Variants in MAML2 observed in about 807,000 individuals in gnomAD.
MAML2 encodes the protein mastermind like transcriptional coactivator 2.
In MAML2, 22 loss-of-function variants were observed where a neutral mutation model predicts 96.1. The ratio of observed to expected loss-of-function variants is 0.23; its 90% CI spans 0.16 to 0.33. The LOEUF is 0.33. MAML2 is among the 10% of genes least tolerant of loss of function. MAML2 has a pLI of 1.00. For synonymous variants in MAML2, 561 were observed against 521.3 expected, an observed-to-expected ratio of 1.08 and a Z score of -1.04; for missense variants, 1,367 against 1,392.4, an observed-to-expected ratio of 0.98 and a Z score of 0.29.
intron 1 of MAML2, among the ~76,000 whole-genome samples, chr11:96,188,276 A>C (rs1029381643): frequency 1.3e-5 from 2 of 152,258 alleles, no homozygotes; most frequent in African/African-American, 2.4e-5. Flanking sequence ...TGATTTAAGC[A>C]GTTCCTATAA....
intron 1 of MAML2, among the ~76,000 whole-genome samples, chr11:96,177,892 A>C (rs1861411120): frequency 6.7e-6 from 1 of 150,156 alleles, no homozygotes; most frequent in African/African-American, 2.5e-5. Context: ...GAAGTAGAAA[A>C]AATTGAATAT....
At chr11:96,082,665 C>G (rs1337723782) in intron 2 of MAML2, among the ~76,000 whole-genome samples, 1 of 152,194 alleles carries the variant, frequency 6.6e-6, no homozygotes. Flanking sequence ...ACTAGAACGC[C>G]AGTTACTGGC....
intron 2 of MAML2, among the ~76,000 whole-genome samples, chr11:96,017,742 T>C (rs1288887711): frequency 6.6e-6 from 1 of 151,814 alleles, no homozygotes; most frequent in Non-Finnish European, 1.5e-5. Flanking sequence ...CCTGAGTTCT[T>C]GAGGTGGGAG....
At chr11:96,133,661 C>A (rs886733983) in intron 1 of MAML2, among the ~76,000 whole-genome samples, 1 of 152,056 alleles carries the variant, frequency 6.6e-6, no homozygotes, top group African/African-American at 2.4e-5. Context: ...TATGAGAATA[C>A]AATAGAAACC....
At chr11:95,993,072 G>C (rs1263673626) in intron 2 of MAML2, among the ~76,000 whole-genome samples, 1 of 150,124 alleles carries the variant, frequency 6.7e-6, no homozygotes, top group African/African-American at 2.4e-5. Flanking sequence ...AGACAGGGTG[G>C]CTAATTTTTA....
intron 2 of MAML2, among the ~76,000 whole-genome samples, chr11:96,022,552 G>T (rs1858451755): frequency 6.6e-6 from 1 of 152,148 alleles, no homozygotes; most frequent in Non-Finnish European, 1.5e-5. Flanking sequence ...ACAGTGGTTG[G>T]ATTTAGTTAG....
intron 1 of MAML2, among the ~76,000 whole-genome samples, chr11:96,119,555 C>T (rs80079139): frequency 4.6e-5 from 7 of 152,088 alleles, no homozygotes; most frequent in Admixed American, 1.3e-4. Flanking sequence ...TTATTTTAAG[C>T]GACTCAATTT....
chr11:96,333,680 G>T lies in MAML2; in HGVS notation c.513+7703C>A, dbSNP rs140433770. On this transcript the variant is annotated intron_variant, in intron 1 of 4. Transcript: ENST00000524717. ...GTTGGAAAGACGGCAAATCTGTGTTGCCTATTCATCTGCAGATGCAGTAAA... is the reference window on the plus strand; with the variant it reads ...GTTGGAAAGACGGCAAATCTGTGTTTCCTATTCATCTGCAGATGCAGTAAA... Among the ~76,000 whole-genome samples, 301 of 152,326 alleles carry T rather than the reference G, an allele frequency of 2.0e-3. 1 individual carries two copies. The highest frequency in any genetic ancestry group is 7.0e-3 in the African/African-American group (292 of 41,596).
intron 1 of MAML2, among the ~76,000 whole-genome samples, chr11:96,339,060 C>A (rs1212189324): frequency 6.6e-6 from 1 of 152,164 alleles, no homozygotes; most frequent in Non-Finnish European, 1.5e-5. Flanking sequence ...TCCAACAACC[C>A]GTGCAATGCC....
chr11:96,142,533 T>A (rs1452768922), intron 1 of MAML2, among the ~76,000 whole-genome samples: 4 of 152,338 alleles, frequency 2.6e-5, no homozygotes, highest in African/African-American at 9.6e-5. Flanking sequence ...TCCAGTACGA[T>A]GTTATTGCAG....
At chr11:96,275,808 G>A (rs1862981218) in intron 1 of MAML2, among the ~76,000 whole-genome samples, 3 of 152,088 alleles carry the variant, frequency 2.0e-5, no homozygotes, top group African/African-American at 7.2e-5. Flanking sequence ...TGGTCTCTAT[G>A]TCTGTTTTAA....
chr11:95,994,671 T>C (rs1191485894), intron 2 of MAML2, among the ~76,000 whole-genome samples: 1 of 152,154 alleles, frequency 6.6e-6, no homozygotes, highest in Non-Finnish European at 1.5e-5. Context: ...GTAGTTTGCT[T>C]TCTACTCTCC....
chr11:96,276,301 T>C (rs893826386), intron 1 of MAML2, among the ~76,000 whole-genome samples: 1 of 152,228 alleles, frequency 6.6e-6, no homozygotes, highest in East Asian at 1.9e-4. Flanking sequence ...TCTTGCTGAC[T>C]GATAACTCTG....
At chr11:96,034,864 G>C (rs1272260910) in intron 2 of MAML2, among the ~76,000 whole-genome samples, 1 of 152,118 alleles carries the variant, frequency 6.6e-6, no homozygotes, top group Non-Finnish European at 1.5e-5. Context: ...GGGCCAGTTA[G>C]CTTTTTCTTG....
chr11:96,255,988 C>T (rs1255732103), intron 1 of MAML2, among the ~76,000 whole-genome samples: 1 of 151,384 alleles, frequency 6.6e-6, no homozygotes, highest in Non-Finnish European at 1.5e-5. Context: ...ATTCTCCTCC[C>T]TCAGCTTCCC....
intron 2 of MAML2, among the ~76,000 whole-genome samples, chr11:96,047,310 C>G (rs1226131293): frequency 6.6e-6 from 1 of 152,166 alleles, no homozygotes; most frequent in Non-Finnish European, 1.5e-5. Context: ...AACTAACTCA[C>G]CTCCCAACCC....
intron 1 of MAML2, among the ~76,000 whole-genome samples, chr11:96,315,608 T>C (rs1190362446): frequency 6.6e-6 from 1 of 152,216 alleles, no homozygotes; most frequent in Non-Finnish European, 1.5e-5. Context: ...AGGGTTCTAA[T>C]GGTCTTGGTT....
chr11:96,121,876 T>C (rs1293832220), intron 1 of MAML2, among the ~76,000 whole-genome samples: 4 of 131,856 alleles, frequency 3.0e-5, no homozygotes, highest in African/African-American at 1.1e-4. Flanking sequence ...AAGCTCCGCC[T>C]CCCGGGTTCA....
chr11:96,236,658 C>T (rs932655627), intron 1 of MAML2, among the ~76,000 whole-genome samples: 49 of 151,972 alleles, frequency 3.2e-4, no homozygotes, highest in African/African-American at 9.9e-4. Flanking sequence ...CAAATGAAGC[C>T]GCTTGAGAGT....
Sources: allele counts gnomAD v4.1 joint callset (sites outside exome capture counted in the v4.1 genomes callset), GRCh38; gene constraint gnomAD v4.1.1; transcripts MANE v1.5; gene names NCBI Gene and HGNC (gene_info 2026-07-23, HGNC 2026-07-21).